The following ZBTB3 variants were observed in gnomAD, a reference collection of about 807,000 sequenced individuals.
The protein encoded by ZBTB3 is zinc finger and BTB domain-containing protein 3.
A neutral mutation model predicts 30.6 loss-of-function variants in ZBTB3; 15 were observed. That is an observed-to-expected ratio of 0.49 (90% CI 0.33 to 0.75). ZBTB3 has a LOEUF of 0.75. Ranked by LOEUF, ZBTB3 falls within the 30% of genes least tolerant of loss-of-function variation. The pLI, the probability that ZBTB3 is intolerant of heterozygous loss-of-function variation, is 0.02. For synonymous variants in ZBTB3, 258 were observed against 261.7 expected, an observed-to-expected ratio of 0.99 and a Z score of 0.14; for missense variants, 599 against 652.1, an observed-to-expected ratio of 0.92 and a Z score of 0.89.
chr11:62,753,181 T>A lies in ZBTB3; in HGVS notation c.484A>T (p.Thr162Ser). 1 of 1,614,172 alleles carries A rather than the reference T, an allele frequency of 6.2e-7. No individual in the cohort carries two copies. Residue 162 changes from threonine to serine, a missense_variant, in exon 2 of 2, where the codon ACA (threonine) becomes TCA (serine). Coordinates refer to ENST00000394807, the MANE Select transcript of ZBTB3 (RefSeq NM_001370809.1). Reference protein sequence around the residue: ...GTQPSLASAETSGHWGKGEWK... With the variant: ...GTQPSLASAESSGHWGKGEWK... ...TCCCCTTTGCCCCAGTGGCCTGATG[T>A]CTCAGCAGATGCCAACGAAGGTTGG...
At position 62,752,007 on chromosome 11, in the gene ZBTB3, C is replaced by T; in HGVS notation, c.*83G>A. ...GGGCAGAGCCTTTATTCTTGTCACC[C>T]AGCAGGGGTGATAAGGTGCCACCAA... On this transcript the variant is annotated 3_prime_UTR_variant, in exon 2 of 2. Transcript: ENST00000394807. 7.3e-7 allele frequency: 1 copy of T among 1,362,102 alleles called. No homozygotes were observed. Among genetic ancestry groups the T allele is most frequent in the Non-Finnish European group, 1.0e-6 (1 of 1,004,300 alleles). 84.4% of individuals were successfully genotyped at this position (1,362,102 alleles called of 1,614,324 possible).
chr11:62,753,807 T>C, intron 1 of ZBTB3, 92 bp from the exon 2 acceptor site: 1 of 1,529,492 alleles, frequency 6.5e-7, no homozygotes, highest in Non-Finnish European at 8.8e-7. Context: ...AACAATCGCT[T>C]AAGTTACTGC....
Position 62,752,110 on chromosome 11 carries a change from C to T in ZBTB3, c.1555G>A (p.Ala519Thr). ...GGGPPKDFVL[A>T]PKTNI ...CTCCCTTAGATGTTAGTTTTTGGGGCCAATACAAAATCTTTAGGTGGCCCT... is the reference window on the plus strand; with the variant it reads ...CTCCCTTAGATGTTAGTTTTTGGGGTCAATACAAAATCTTTAGGTGGCCCT... Residue 519 changes from alanine to threonine, a missense_variant, in exon 2 of 2, where the codon GCC becomes ACC. By Grantham distance (58) the Ala-to-Thr change is moderately conservative (BLOSUM62 0). Transcript: ENST00000394807. The T allele has an allele frequency of 6.2e-7, 1 of 1,610,064 alleles. No individual in the cohort carries two copies. Among genetic ancestry groups the T allele is most frequent in the Non-Finnish European group, 8.5e-7 (1 of 1,177,580 alleles).
Position 62,753,380 on chromosome 11 carries a change from A to C in ZBTB3, c.285T>G (p.Pro95=). 1.2e-6 allele frequency: 2 copies of C among 1,614,128 alleles called. No homozygotes were observed. Among genetic ancestry groups the C allele is most frequent in the Non-Finnish European group, 1.7e-6 (2 of 1,180,038 alleles). ...AGQLTLRGDT[P]VEDVLAAASY... is the part of the protein sequence containing the mutation. ...TGGCAGCTGCCAGCACATCCTCCAC[A>C]GGGGTATCCCCTCTCAGGGTCAGCT... The change falls in exon 2 of 2, where the codon CCT becomes CCG. Residue 95 remains proline, a synonymous_variant. Coordinates refer to ENST00000394807, the MANE Select transcript of ZBTB3 (RefSeq NM_001370809.1).
At position 62,752,472 on chromosome 11, in the gene ZBTB3, T is replaced by C. The variant is rs1470735106; in HGVS notation, c.1193A>G (p.His398Arg). 6.2e-7 allele frequency: 1 copy of C among 1,614,176 alleles called. No individual in the cohort carries two copies. ...CTCAGAAGACAGGTAAAGTGGCTCATGCAGGGATGCGGGTGCAGGCAGAGG... is the reference window on the plus strand; with the variant it reads ...CTCAGAAGACAGGTAAAGTGGCTCACGCAGGGATGCGGGTGCAGGCAGAGG... Reference protein sequence around the residue: ...TSPLPAPASLHEPLYLSSEYE... With the variant: ...TSPLPAPASLREPLYLSSEYE... The change falls in exon 2 of 2, where the codon CAT becomes CGT. Residue 398 changes from histidine to arginine, a missense_variant. Transcript: ENST00000394807.
Position 62,754,147 on chromosome 11 carries a change from A to C in ZBTB3, c.-235T>G. ...ATACCTCACCCACCACCGAGCAGCC[A>C]CAGGGCGAGCTCCGCCCCTTCCCAC... On this transcript the variant is annotated 5_prime_UTR_variant, in exon 1 of 2. Coordinates refer to ENST00000394807, the MANE Select transcript of ZBTB3 (RefSeq NM_001370809.1). 3.7e-6 allele frequency: 5 copies of C among 1,365,568 alleles called. No individual in the cohort carries two copies. Among genetic ancestry groups the C allele is most frequent in the African/African-American group, 1.4e-5 (1 of 70,174 alleles). 84.6% of individuals were successfully genotyped at this position (1,365,568 alleles called of 1,614,324 possible). A position where few individuals can be genotyped will look rare whatever the true frequency, so the allele number is the denominator to read the frequency against.
chr11:62,753,091 C>A lies in ZBTB3; in HGVS notation c.574G>T (p.Gly192Trp), dbSNP rs1057028474. 48 of 1,614,074 alleles carry A rather than the reference C, an allele frequency of 3.0e-5. No homozygotes were observed. The highest frequency in any genetic ancestry group is 3.9e-5 in the Non-Finnish European group (46 of 1,180,054). The change falls in exon 2 of 2, where the codon GGG (glycine) becomes TGG (tryptophan). Residue 192 changes from glycine to tryptophan, a missense_variant. Transcript: ENST00000394807. ...ATGCCAGGCTGTGTAGTGTCAGCCC[C>A]ACTAGACATTGGTGGCTCATCTGGA... ...RPPDEPPMSS[G>W]ADTTQPGMEV...
Position 62,753,131 on chromosome 11 carries a change from T to G in ZBTB3, c.534A>C (p.Ser178=), listed in dbSNP as rs1590923875. ...GCTCATCTGGAGGACGGACAGTAGG[T>G]GAGGGAGCAGCAGAGCCTTTCCATT... is the stretch of plus-strand genomic sequence containing the variant. ...KGEWKGSAAP[S]PTVRPPDEPP... Residue 178 remains serine (S), a synonymous_variant, in exon 2 of 2, where the codon TCA becomes TCC. Transcript: ENST00000394807. 6.2e-7 allele frequency: 1 copy of G among 1,614,024 alleles called. No homozygotes were observed. The highest frequency in any genetic ancestry group is 8.5e-7 in the Non-Finnish European group (1 of 1,180,004).
At position 62,753,525 on chromosome 11, in the gene ZBTB3, G is replaced by A. The variant is rs1424217240; in HGVS notation, c.140C>T (p.Pro47Leu). 2 of 1,614,216 alleles carry A rather than the reference G, an allele frequency of 1.2e-6. No individual in the cohort carries two copies. Among genetic ancestry groups the A allele is most frequent in the Admixed American group, 3.3e-5 (2 of 60,020 alleles). Reference sequence around the variant, plus strand: ...CTCCTTGTAGAAAAGCTGGAAGAATGGGCTGCAGGAGGCCAGCACAGCCCG... The same window carrying A: ...CTCCTTGTAGAAAAGCTGGAAGAATAGGCTGCAGGAGGCCAGCACAGCCCG... The part of the protein sequence containing the change: ...AHRAVLASCS[P>L]FFQLFYKERE... Residue 47 changes from proline to leucine, a missense_variant, in exon 2 of 2, where the codon CCA becomes CTA. Pro to Leu is a moderately conservative substitution (Grantham distance 98). Coordinates refer to ENST00000394807, the MANE Select transcript of ZBTB3 (RefSeq NM_001370809.1).
In ZBTB3 at chr11:62,754,058, A is replaced by AG. The variant is rs1161837684; in HGVS notation, c.-147dup. 1 of 1,614,046 alleles carries AG rather than the reference A, an allele frequency of 6.2e-7. No individual in the cohort carries two copies. The highest frequency in any genetic ancestry group is 8.5e-7 in the Non-Finnish European group (1 of 1,179,994). ...TACGCCCCACTTCGAGAACTCCCTA[A>AG]GCATCTCCCTCACGCATTCCAGGGG... On this transcript the variant is annotated 5_prime_UTR_variant, in exon 1 of 2. It removes the in-frame stop codon of an upstream open reading frame in the 5' UTR. Transcript: ENST00000394807.
Position 62,754,098 on chromosome 11 carries a change from G to T in ZBTB3, c.-186C>A. On this transcript the variant is annotated 5_prime_UTR_variant, in exon 1 of 2. Coordinates refer to ENST00000394807, the MANE Select transcript of ZBTB3 (RefSeq NM_001370809.1). ...CATTCCAGGGGCTAAGGACTACCAG[G>T]GTGGGAACTAGCGGAGAAAGCTGAT... 1 of 1,604,980 alleles carries T rather than the reference G, an allele frequency of 6.2e-7. No homozygotes were observed. The highest frequency in any genetic ancestry group is 8.5e-7 in the Non-Finnish European group (1 of 1,171,856).
In ZBTB3 at chr11:62,752,144, G is replaced by A. The variant is rs148499727; in HGVS notation, c.1521C>T (p.Ser507=). 7.2e-4 allele frequency: 1,170 copies of A among 1,613,886 alleles called. No homozygotes were observed. Among genetic ancestry groups the A allele is most frequent in the Non-Finnish European group, 9.3e-4 (1,101 of 1,179,954 alleles). The part of the protein sequence containing the change: ...PGSPTADRQS[S]SGGGPPKDFV... ...AATCTTTAGGTGGCCCTCCACCACTGCTGCTCTGTCTGTCTGCTGTTGGGG... is the reference window on the plus strand; with the variant it reads ...AATCTTTAGGTGGCCCTCCACCACTACTGCTCTGTCTGTCTGCTGTTGGGG... Residue 507 remains serine (S), a synonymous_variant, in exon 2 of 2, where the codon AGC becomes AGT. Coordinates refer to ENST00000394807, the MANE Select transcript of ZBTB3 (RefSeq NM_001370809.1).
chr11:62,753,605 C>A lies in ZBTB3; in HGVS notation c.60G>T (p.Gln20His), dbSNP rs1488897520. 6.2e-7 allele frequency: 1 copy of A among 1,613,806 alleles called. No individual in the cohort carries two copies. Among genetic ancestry groups the A allele is most frequent in the Non-Finnish European group, 8.5e-7 (1 of 1,179,950 alleles). Reference sequence around the variant, plus strand: ...TCACGGTGCAGTCACAAAGGAAACCCTGGGACCGCTGCTCCCGGAGGCTCT... The same window carrying A: ...TCACGGTGCAGTCACAAAGGAAACCATGGGACCGCTGCTCCCGGAGGCTCT... ...LLQSLREQRS[Q>H]GFLCDCTVMV... Residue 20 changes from glutamine (Q) to histidine (H), a missense_variant, in exon 2 of 2, where the codon CAG (glutamine) becomes CAT (histidine). By Grantham distance (24) the Gln-to-His change is conservative (BLOSUM62 0). Transcript: ENST00000394807.
rs1022125825 is a variant in ZBTB3 at position 62,753,955 on chromosome 11, G to A, written c.-52+9C>T. ...CCCCTTAGCCACCCTCCGCTTCCTT[G>A]ATGCCCACCCGGTAGCGTCCAACGG... On this transcript the variant is annotated intron_variant, in intron 1 of 1. Transcript: ENST00000394807. 1.2e-5 allele frequency: 19 copies of A among 1,606,428 alleles called. No homozygotes were observed. In the East Asian group the frequency reaches 2.5e-4, roughly 21 times the overall value.
At position 62,753,464 on chromosome 11, in the gene ZBTB3, G is replaced by C; in HGVS notation, c.201C>G (p.His67Gln). ...ELDKRDLVCI[H>Q]NEIVTAPAFG... ...AGGCTGGGGCTGTGACAATTTCATT[G>C]TGAATACACACCAGATCCCTCTTGT... Residue 67 changes from histidine to glutamine, a missense_variant, in exon 2 of 2, where the codon CAC becomes CAG. Physicochemically the swap from His to Gln is conservative, Grantham distance 24. Coordinates refer to ENST00000394807, the MANE Select transcript of ZBTB3 (RefSeq NM_001370809.1). The C allele has an allele frequency of 6.2e-7, 1 of 1,614,224 alleles. No individual in the cohort carries two copies. Among genetic ancestry groups the C allele is most frequent in the Non-Finnish European group, 8.5e-7 (1 of 1,180,042 alleles).
Position 62,752,135 on chromosome 11 carries a change from TCCA to T in ZBTB3, c.1527_1529del (p.Gly511del), listed in dbSNP as rs1394710697. ...CCAATACAAAATCTTTAGGTGGCCCTCCACCACTGCTGCTCTGTCTGTCTGCTG... is the reference window on the plus strand; with the variant it reads ...CCAATACAAAATCTTTAGGTGGCCCTCCACTGCTGCTCTGTCTGTCTGCTG... On this transcript the variant is annotated inframe_deletion, in exon 2 of 2. Transcript: ENST00000394807. 6 of 1,613,528 alleles carry T rather than the reference TCCA, an allele frequency of 3.7e-6. No individual in the cohort carries two copies. The highest frequency in any genetic ancestry group is 5.1e-6 in the Non-Finnish European group (6 of 1,179,732).
At position 62,752,434 on chromosome 11, in the gene ZBTB3, G is replaced by A. The variant is rs751190953; in HGVS notation, c.1231C>T (p.Pro411Ser). 2 of 1,614,136 alleles carry A rather than the reference G, an allele frequency of 1.2e-6. No individual in the cohort carries two copies. The highest frequency in any genetic ancestry group is 1.7e-6 in the Non-Finnish European group (2 of 1,180,026). The change falls in exon 2 of 2, where the codon CCA becomes TCA. Residue 411 changes from proline to serine, a missense_variant. Pro to Ser is a moderately conservative substitution (Grantham distance 74). Coordinates refer to ENST00000394807, the MANE Select transcript of ZBTB3 (RefSeq NM_001370809.1). Reference protein sequence around the residue: ...LYLSSEYEAAPGSFGVFTEDV... With the variant: ...LYLSSEYEAASGSFGVFTEDV... ...TCAGTAAAAACCCCAAAGCTTCCTG[G>A]AGCTGCTTCGTACTCAGAAGACAGG...
intron 1 of ZBTB3, 39 bp downstream of exon 1, chr11:62,753,925 T>C: frequency 2.5e-6 from 4 of 1,596,632 alleles, no homozygotes; most frequent in Non-Finnish European, 3.4e-6. Context: ...CCCCCGGAAG[T>C]CCCGCCCCTT....
chr11:62,751,987 G>A lies in ZBTB3; in HGVS notation c.*103C>T. The A allele has an allele frequency of 1.7e-6, 2 of 1,157,132 alleles. No homozygotes were observed. The highest frequency in any genetic ancestry group is 2.4e-6 in the Non-Finnish European group (2 of 831,760). The allele number at this position is 1,157,132 out of a possible 1,614,324, so 71.7% of individuals were successfully genotyped here. On this transcript the variant is annotated 3_prime_UTR_variant, in exon 2 of 2. Coordinates refer to ENST00000394807, the MANE Select transcript of ZBTB3 (RefSeq NM_001370809.1). ...AGGGTAGGAACTTTCAGCCTGGGCA[G>A]AGCCTTTATTCTTGTCACCCAGCAG...
Sources: gnomAD v4.1 joint callset for allele counts on GRCh38, gnomAD v4.1.1 for gene constraint, MANE v1.5 for transcripts, NCBI Gene and HGNC (gene_info 2026-07-23, HGNC 2026-07-21) for gene names.